The following PPP2R2D variants were observed in gnomAD, a reference collection of about 807,000 sequenced individuals.
PPP2R2D encodes protein phosphatase 2 regulatory subunit Bdelta, also known as serine/threonine-protein phosphatase 2A 55 kDa regulatory subunit B delta isoform.
PPP2R2D carries 9 observed loss-of-function variants against 31.1 expected under a neutral mutation model. The ratio of observed to expected loss-of-function variants is 0.29; its 90% CI spans 0.17 to 0.51. The LOEUF is 0.51. Ranked by LOEUF, PPP2R2D falls within the 20% of genes least tolerant of loss-of-function variation. PPP2R2D has a pLI of 0.98. For missense variants in PPP2R2D, 391 were observed against 465.6 expected (o/e 0.84, Z 1.48); for synonymous variants, 179 against 172.6 (o/e 1.04, Z -0.29).
At position 131,945,409 on chromosome 10, in the gene PPP2R2D, T is replaced by C; in HGVS notation, c.770T>C (p.Ile257Thr). The C allele has an allele frequency of 6.2e-7, 1 of 1,614,162 alleles. No homozygotes were observed. Among genetic ancestry groups the C allele is most frequent in the South Asian group, 1.1e-5 (1 of 91,084 alleles). ...GTCTACAGCAGTAGCAAAGGGACCA[T>C]CCGCCTGTGTGACATGCGCTCCTCG... ...VFVYSSSKGTIRLCDMRSSAL... is the reference protein window; with the variant it reads ...VFVYSSSKGTTRLCDMRSSAL... Residue 257 changes from isoleucine to threonine, a missense_variant, in exon 7 of 9, where the codon ATC becomes ACC. Around this residue, in one of 3 missense-constraint regions of PPP2R2D, gnomAD observed 123 missense variants for 187.7 expected, o/e 0.66. Transcript: ENST00000455566. This position sits in a 1 kb window ranked among gnomAD's most constrained non-coding sequence, Gnocchi z 4.8.
At chr10:131,953,243 T>A (rs2036719585) in intron 8 of PPP2R2D, among the ~76,000 whole-genome samples, 1 of 62,384 alleles carries the variant, frequency 1.6e-5, no homozygotes, top group Admixed American at 2.6e-4. Context: ...GTCTTAGCAG[T>A]GACTTGCGGG....
chr10:131,950,767 G>A (rs1554898692), intron 8 of PPP2R2D, among the ~76,000 whole-genome samples: 1 of 152,086 alleles, frequency 6.6e-6, no homozygotes, highest in Non-Finnish European at 1.5e-5. Flanking sequence ...GTGTTTGGGG[G>A]AGAAAAATTA....
chr10:131,914,971 C>T (rs1189261925), intron 2 of PPP2R2D, among the ~76,000 whole-genome samples: 1 of 152,118 alleles, frequency 6.6e-6, no homozygotes. Flanking sequence ...TTTTTCTCTC[C>T]GTGCACCCCT....
intron 2 of PPP2R2D, among the ~76,000 whole-genome samples, chr10:131,919,321 T>C (rs2035913700): frequency 8.8e-6 from 1 of 113,634 alleles, no homozygotes; most frequent in Non-Finnish European, 1.8e-5. Context: ...ACACAGTCTT[T>C]GTAGGGACCT....
chr10:131,933,675 T>C (rs749901960), intron 2 of PPP2R2D, among the ~76,000 whole-genome samples: 2 of 152,098 alleles, frequency 1.3e-5, no homozygotes, highest in Non-Finnish European at 2.9e-5. Context: ...CAGAAAATCT[T>C]TGTCCAAGTC....
chr10:131,913,103 A>C (rs1055114985), intron 2 of PPP2R2D, among the ~76,000 whole-genome samples: 2 of 151,506 alleles, frequency 1.3e-5, no homozygotes, highest in Non-Finnish European at 2.9e-5. Flanking sequence ...GCTCACTGCA[A>C]CCTCCGCTTC....
the PPP2R2D span, chr10:131,970,241 TG>T: frequency 2.0e-3 from 421 of 212,718 alleles, 5 homozygotes; most frequent in African/African-American, 9.2e-3. This position sits in a 1 kb window ranked among gnomAD's most constrained non-coding sequence, Gnocchi z 4.1. Flanking sequence ...CAGTCCTGTC[TG>T]GAGGAAGTAC....
chr10:131,950,238 C>T (rs1453408238), intron 8 of PPP2R2D, among the ~76,000 whole-genome samples: 1 of 152,150 alleles, frequency 6.6e-6, no homozygotes, highest in African/African-American at 2.4e-5. Flanking sequence ...AGGCACAGCA[C>T]ACGTTTAAAC....
the PPP2R2D span, chr10:131,970,333 C>T: frequency 3.0e-5 from 13 of 427,924 alleles, no homozygotes; most frequent in Non-Finnish European, 4.2e-5. The surrounding 1 kb of genome is among the most constrained non-coding windows in gnomAD (Gnocchi z 4.1). Flanking sequence ...AGACTGCTTT[C>T]ACCTACACAC....
At chr10:131,970,449 G>T in the PPP2R2D span, 1 of 794,128 alleles carries the variant, frequency 1.3e-6, no homozygotes, top group Non-Finnish European at 1.9e-6. The surrounding 1 kb of genome is among the most constrained non-coding windows in gnomAD (Gnocchi z 4.1). Context: ...GGGCGCCTGT[G>T]CTGGGGCCTT....
At chr10:131,940,244 A>G in intron 4 of PPP2R2D, 48 bp downstream of exon 4, 1 of 607,026 alleles carries the variant, frequency 1.6e-6, no homozygotes, top group Non-Finnish European at 3.0e-6. Context: ...TTTTATTTTT[A>G]ATTTTCTGTG....
intron 3 of PPP2R2D, among the ~76,000 whole-genome samples, chr10:131,936,083 C>T (rs1554896446): frequency 1.3e-5 from 2 of 151,870 alleles, no homozygotes; most frequent in Non-Finnish European, 2.9e-5. Context: ...AAGAACCATA[C>T]ACCTTACCTT....
intron 8 of PPP2R2D, 94 bp from the exon 9 acceptor site, chr10:131,955,590 G>A: frequency 9.1e-7 from 1 of 1,100,614 alleles, no homozygotes; most frequent in Admixed American, 3.5e-5. Flanking sequence ...GTGGGGGAGG[G>A]TGGCGTGCGC....
intron 2 of PPP2R2D, among the ~76,000 whole-genome samples, chr10:131,929,788 C>T (rs782695214): frequency 1.3e-5 from 2 of 152,144 alleles, no homozygotes; most frequent in African/African-American, 2.4e-5. Flanking sequence ...CCACTGACTC[C>T]GTTTCCCCTT....
chr10:131,906,768 AAAAAAAG>A (rs1252656217), intron 2 of PPP2R2D, among the ~76,000 whole-genome samples: 3 of 151,348 alleles, frequency 2.0e-5, no homozygotes, highest in African/African-American at 7.3e-5. Flanking sequence ...CAAAAAAAAA[AAAAAAAG>A]AAAGAAATTC....
At chr10:131,903,655 G>T (rs1489928670) in intron 2 of PPP2R2D, among the ~76,000 whole-genome samples, 2 of 152,086 alleles carry the variant, frequency 1.3e-5, no homozygotes, top group Non-Finnish European at 2.9e-5. Flanking sequence ...ATGTGTTTTG[G>T]TTATTCTGTG....
At chr10:131,924,896 A>C (rs781932135) in intron 2 of PPP2R2D, among the ~76,000 whole-genome samples, 1 of 151,906 alleles carries the variant, frequency 6.6e-6, no homozygotes, top group Non-Finnish European at 1.5e-5. Flanking sequence ...TTTATTCCTA[A>C]GTATTTATTC....
intron 2 of PPP2R2D, 74 bp downstream of exon 2, chr10:131,901,404 C>T (rs2035491966): frequency 5.8e-6 from 2 of 343,822 alleles, no homozygotes; most frequent in South Asian, 2.7e-4. Context: ...GGCCTCCGGG[C>T]CCCAAGCGTC....
chr10:131,920,823 G>A (rs2035972039), intron 2 of PPP2R2D, among the ~76,000 whole-genome samples: 1 of 152,174 alleles, frequency 6.6e-6, no homozygotes, highest in Non-Finnish European at 1.5e-5. Context: ...CAGCTACTCA[G>A]GAGGCTGAGG....
Sources: allele counts gnomAD v4.1 joint callset (sites outside exome capture counted in the v4.1 genomes callset), GRCh38; gene constraint gnomAD v4.1.1; regional missense constraint gnomAD v4.1.1; non-coding constraint Gnocchi (gnomAD v3.1); transcripts MANE v1.5; gene names NCBI Gene and HGNC (gene_info 2026-07-23, HGNC 2026-07-21).